Variants in MCM5 observed in about 807,000 individuals in gnomAD.
MCM5 encodes minichromosome maintenance complex component 5.
In MCM5, 46 loss-of-function variants were observed where a neutral mutation model predicts 79.9. The observed-to-expected ratio is 0.58, with a 90% CI of 0.45 to 0.74. MCM5 has a LOEUF of 0.74. MCM5 is among the 30% of genes least tolerant of loss of function. The pLI is 0.00. For synonymous variants in MCM5, 404 were observed against 390.5 expected (o/e 1.03, Z -0.41); for missense variants, 883 against 1,017.0 (o/e 0.87, Z 1.79).
At chr22:35,448,883 T>C in the MCM5 span, among the ~76,000 whole-genome samples, 1 of 152,100 alleles carries the variant, frequency 6.6e-6, no homozygotes, top group Non-Finnish European at 1.5e-5. Flanking sequence ...TGGGACTTGT[T>C]TGTCCCATGG....
At chr22:35,417,638 C>A (rs1001803991) in intron 12 of MCM5, 106 bp from the exon 13 acceptor site, 4 of 792,996 alleles carry the variant, frequency 5.0e-6, no homozygotes, top group Non-Finnish European at 8.8e-6. Flanking sequence ...TTTCCGGCTC[C>A]TTGATGCCAG....
intron 2 of MCM5, chr22:35,401,403 C>G (rs1395727384): frequency 2.1e-6 from 1 of 471,360 alleles, no homozygotes; most frequent in Non-Finnish European, 4.4e-6. Context: ...CACCTGCTGC[C>G]TGCCAGATAC....
At position 35,400,588 on chromosome 22, in the gene MCM5, C is replaced by A. The variant is rs774428208; in HGVS notation, c.150C>A (p.Gly50=). Residue 50 remains glycine, a synonymous_variant, in exon 2 of 17, where the codon GGC becomes GGA. Transcript: ENST00000216122. ...ACCGAGTGGGCACCGACCGCACGGG[C>A]TTCACCTTCAAATACAGGTGCGGCT... is the stretch of plus-strand genomic sequence containing the variant. The part of the protein sequence containing the change: ...RQYRVGTDRT[G]FTFKYRDELK... 6 of 1,611,158 alleles carry A rather than the reference C, an allele frequency of 3.7e-6. No homozygotes were observed. In the East Asian group the frequency reaches 1.3e-4, roughly 36 times the overall value.
chr22:35,408,701 C>T (rs1179222613), intron 6 of MCM5, 138 bp downstream of exon 6: 1 of 847,638 alleles, frequency 1.2e-6, no homozygotes, highest in Non-Finnish European at 1.8e-6. Flanking sequence ...AGCACCTGCT[C>T]TGTGCCTAAT....
the MCM5 span, among the ~76,000 whole-genome samples, chr22:35,434,506 C>T: frequency 6.6e-6 from 1 of 152,192 alleles, no homozygotes; most frequent in African/African-American, 2.4e-5. Context: ...GGACCAATCA[C>T]AGTGGCCAGA....
In MCM5 at chr22:35,411,001, G is replaced by A. The variant is rs575159137; in HGVS notation, c.919+91G>A. On this transcript the variant is annotated intron_variant, in intron 7 of 16. Transcript: ENST00000216122. ...AGGCAGCTCGTTACTTCATGAGGTA[G>A]CCCAGGATGTCCTTGTGTTGCTCAT... The A allele has an allele frequency of 6.0e-5, 73 of 1,218,774 alleles. No individual in the cohort carries two copies. The African/African-American group carries it at 9.4e-4, about 16-fold the overall frequency. The allele number at this position is 1,218,774 out of a possible 1,614,324, so 75.5% of individuals were successfully genotyped here. A position where few individuals can be genotyped will look rare whatever the true frequency, so the allele number is the denominator to read the frequency against.
chr22:35,445,932 C>T, the MCM5 span, among the ~76,000 whole-genome samples: 7 of 152,196 alleles, frequency 4.6e-5, no homozygotes, highest in South Asian at 2.1e-4. Context: ...ACTTCTCAGT[C>T]GGGTCATACT....
chr22:35,430,130 G>C (rs1004658958), downstream of MCM5, among the ~76,000 whole-genome samples: 4 of 152,210 alleles, frequency 2.6e-5, no homozygotes, highest in African/African-American at 9.6e-5. Context: ...CTGGTATTGA[G>C]CATGGTACCT....
chr22:35,430,479 G>C, the MCM5 span, among the ~76,000 whole-genome samples: 1 of 150,390 alleles, frequency 6.6e-6, no homozygotes, highest in Non-Finnish European at 1.5e-5. Context: ...TGGGCCTGGA[G>C]CCCCAAAACC....
chr22:35,412,735 A>T, intron 8 of MCM5, 54 bp downstream of exon 8: 21 of 1,359,208 alleles, frequency 1.5e-5, no homozygotes, highest in Non-Finnish European at 2.0e-5. Flanking sequence ...TGGGGCTCAC[A>T]GTAGGATAAT....
chr22:35,404,411 C>T (rs944359377), intron 4 of MCM5, among the ~76,000 whole-genome samples: 1 of 152,182 alleles, frequency 6.6e-6, no homozygotes, highest in Admixed American at 6.5e-5. Flanking sequence ...AAGCAGGAGC[C>T]ATTATCCTGT....
chr22:35,421,414 C>T lies in MCM5; in HGVS notation c.1929C>T (p.Leu643=), dbSNP rs1932691412. The change falls in exon 15 of 17, where the codon CTC becomes CTT. Residue 643 remains leucine, a synonymous_variant. Coordinates refer to ENST00000216122, the MANE Select transcript of MCM5 (RefSeq NM_006739.4). ...CAGATGTGGAGGAGGCCCTGCGGCTCTTCCAAGTGTCCACGTTGGATGCTG... is the reference window on the plus strand; with the variant it reads ...CAGATGTGGAGGAGGCCCTGCGGCTTTTCCAAGTGTCCACGTTGGATGCTG... The part of the protein sequence containing the change: ...TEADVEEALR[L]FQVSTLDAAL... The T allele has an allele frequency of 6.2e-7, 1 of 1,614,076 alleles. No homozygotes were observed. The highest frequency in any genetic ancestry group is 8.5e-7 in the Non-Finnish European group (1 of 1,180,058).
At chr22:35,418,020 C>T (rs1237853722) in intron 13 of MCM5, among the ~76,000 whole-genome samples, 164 bp downstream of exon 13, 1 of 152,212 alleles carries the variant, frequency 6.6e-6, no homozygotes, top group African/African-American at 2.4e-5. Context: ...TCTAACCTTG[C>T]GTAGCTCACT....
At chr22:35,451,050 G>A in the MCM5 span, among the ~76,000 whole-genome samples, 5 of 152,090 alleles carry the variant, frequency 3.3e-5, no homozygotes, top group African/African-American at 9.7e-5. Flanking sequence ...TTTCTTTCCC[G>A]GAAACTCCCT....
At chr22:35,436,102 G>C in the MCM5 span, among the ~76,000 whole-genome samples, 4 of 149,000 alleles carry the variant, frequency 2.7e-5, no homozygotes, top group Non-Finnish European at 5.9e-5. Context: ...GGGAAGCAGA[G>C]GTTGTGAACT....
chr22:35,437,282 G>C, the MCM5 span, among the ~76,000 whole-genome samples: 2 of 152,198 alleles, frequency 1.3e-5, no homozygotes, highest in Non-Finnish European at 2.9e-5. Context: ...ATTGGCTCCT[G>C]GTGGGCAGGT....
At chr22:35,453,222 A>G in the MCM5 span, among the ~76,000 whole-genome samples, 1 of 152,206 alleles carries the variant, frequency 6.6e-6, no homozygotes, top group South Asian at 2.1e-4. Context: ...CCAGGCACAG[A>G]CACTGGGCCT....
the MCM5 span, among the ~76,000 whole-genome samples, chr22:35,435,146 A>G: frequency 6.6e-6 from 1 of 152,086 alleles, no homozygotes; most frequent in Non-Finnish European, 1.5e-5. Flanking sequence ...GCAAGACTCC[A>G]TCTCAAACAA....
At chr22:35,429,292 T>TTTC (rs133438), downstream of MCM5, among the ~76,000 whole-genome samples, 121,939 of 151,746 alleles carry the variant, frequency 0.8, 49,605 homozygotes, top group African/African-American at 0.89. Context: ...GGCCAAATCT[T>TTTC]TTTGAAATGC....
Sources: allele counts gnomAD v4.1 joint callset (sites outside exome capture counted in the v4.1 genomes callset), GRCh38; gene constraint gnomAD v4.1.1; transcripts MANE v1.5; gene names NCBI Gene and HGNC (gene_info 2026-07-23, HGNC 2026-07-21).